UNC13C: variants seen among roughly 807,000 people sequenced by gnomAD.
UNC13C encodes unc-13 homolog C, also known as protein unc-13 homolog C.
UNC13C carries 174 observed loss-of-function variants against 245.4 expected under a neutral mutation model. The ratio of observed to expected loss-of-function variants is 0.71; its 90% CI spans 0.63 to 0.80. The LOEUF (loss-of-function observed/expected upper bound fraction) is 0.80, where lower values mean the gene tolerates loss of function less well. Among genes scored for constraint, UNC13C ranks in the 30% least tolerant of loss-of-function variants. UNC13C has a pLI of 0.00. For missense variants in UNC13C, 2,829 were observed against 2,602.9 expected, an observed-to-expected ratio of 1.09 and a Z score of -1.89; for synonymous variants, 992 against 895.1, an observed-to-expected ratio of 1.11 and a Z score of -1.93.
chr15:54,284,995 C>T (rs1324612843), intron 10 of UNC13C, among the ~76,000 whole-genome samples: 1 of 151,980 alleles, frequency 6.6e-6, no homozygotes, highest in Non-Finnish European at 1.5e-5. Flanking sequence ...GAAGGTGGTT[C>T]AGGGAAATTA....
Position 54,592,871 on chromosome 15 carries a change from T to G in UNC13C, c.6106+24924T>G, listed in dbSNP as rs956191362. 9.9e-5 allele frequency among the ~76,000 whole-genome samples: 15 copies of G among 151,928 alleles called. 1 individual carries two copies. Among genetic ancestry groups the G allele is most frequent in the South Asian group, 6.2e-4 (3 of 4,816 alleles). ...TGTGTACTTTGTTTTTTGTTTTTTT[T>G]TTTTTTTTACTTGTATTTTTGTTGT... On this transcript the variant is annotated intron_variant, in intron 30 of 32. Transcript: ENST00000260323.
chr15:54,600,351 T>A (rs906319393), intron 30 of UNC13C, among the ~76,000 whole-genome samples: 5 of 152,064 alleles, frequency 3.3e-5, no homozygotes, highest in African/African-American at 1.2e-4. Flanking sequence ...GATTTCGGGA[T>A]GAGAGCATTT....
chr15:53,863,971 C>T, the UNC13C span, among the ~76,000 whole-genome samples: 17 of 152,264 alleles, frequency 1.1e-4, no homozygotes, highest in Non-Finnish European at 2.1e-4. Flanking sequence ...CTTTGAGGTC[C>T]ATGTTCCATG....
At chr15:54,078,373 C>A (rs559259893) in intron 2 of UNC13C, among the ~76,000 whole-genome samples, 2 of 152,084 alleles carry the variant, frequency 1.3e-5, no homozygotes, top group Non-Finnish European at 2.9e-5. Context: ...ATTGTTTAAT[C>A]GAATTTTAGT....
chr15:54,620,251 T>C (rs1596693627), intron 30 of UNC13C, among the ~76,000 whole-genome samples: 1 of 152,178 alleles, frequency 6.6e-6, no homozygotes, highest in East Asian at 1.9e-4. Flanking sequence ...TAACCCTCAA[T>C]AACTGATTGA....
chr15:53,977,825 G>T (rs566720008), upstream of UNC13C, among the ~76,000 whole-genome samples: 14 of 152,244 alleles, frequency 9.2e-5, no homozygotes, highest in African/African-American at 3.4e-4. Flanking sequence ...CAAATGAAAA[G>T]ACATTATTCC....
chr15:54,044,920 T>A (rs1456462528), intron 2 of UNC13C, among the ~76,000 whole-genome samples: 1 of 152,172 alleles, frequency 6.6e-6, no homozygotes, highest in African/African-American at 2.4e-5. Context: ...TTAGTTTGGT[T>A]ATTTTTTCTT....
At chr15:53,854,542 TA>T in the UNC13C span, among the ~76,000 whole-genome samples, 4 of 152,240 alleles carry the variant, frequency 2.6e-5, no homozygotes, top group African/African-American at 9.6e-5. Context: ...CACCATATAT[TA>T]AATAGAGAAT....
At chr15:54,485,265 C>T (rs1416294327) in intron 19 of UNC13C, among the ~76,000 whole-genome samples, 1 of 152,156 alleles carries the variant, frequency 6.6e-6, no homozygotes, top group African/African-American at 2.4e-5. Flanking sequence ...TTCTTTCATC[C>T]ATTTATCTAT....
chr15:54,198,849 C>A (rs1365284409), intron 4 of UNC13C, among the ~76,000 whole-genome samples: 1 of 151,608 alleles, frequency 6.6e-6, no homozygotes, highest in Non-Finnish European at 1.5e-5. Flanking sequence ...GTAATGGATC[C>A]AAATCAAGAA....
intron 1 of UNC13C, among the ~76,000 whole-genome samples, chr15:54,011,470 A>G (rs1895377861): frequency 6.6e-6 from 1 of 152,246 alleles, no homozygotes; most frequent in Admixed American, 6.5e-5. Context: ...TTCGACTAAA[A>G]TTAGTTTAAA....
chr15:53,990,801 A>T (rs1162697201), intron 1 of UNC13C, among the ~76,000 whole-genome samples: 2 of 151,994 alleles, frequency 1.3e-5, no homozygotes, highest in African/African-American at 2.4e-5. Flanking sequence ...TTTCAGCCCT[A>T]CATTCTCTTA....
At chr15:54,486,318 T>C (rs1480404433) in intron 19 of UNC13C, among the ~76,000 whole-genome samples, 1 of 148,066 alleles carries the variant, frequency 6.8e-6, no homozygotes, top group Non-Finnish European at 1.5e-5. Flanking sequence ...GCGCTTGTAA[T>C]CCTAGCTGCT....
the UNC13C span, among the ~76,000 whole-genome samples, chr15:53,920,076 CT>C: frequency 6.8e-6 from 1 of 147,926 alleles, no homozygotes; most frequent in African/African-American, 2.5e-5. Context: ...GAATATTTTT[CT>C]TTTTAAAAGA....
intron 29 of UNC13C, among the ~76,000 whole-genome samples, chr15:54,560,112 G>T (rs1897241091): frequency 6.6e-6 from 1 of 151,958 alleles, no homozygotes; most frequent in African/African-American, 2.4e-5. Context: ...GTTAAGGTGG[G>T]TTATGATTAT....
intron 19 of UNC13C, among the ~76,000 whole-genome samples, chr15:54,441,510 G>C (rs1890523891): frequency 6.6e-6 from 1 of 152,042 alleles, no homozygotes; most frequent in Non-Finnish European, 1.5e-5. Flanking sequence ...ATAAATATGT[G>C]AATATATTTT....
the UNC13C span, among the ~76,000 whole-genome samples, chr15:53,842,715 A>C: frequency 6.6e-6 from 1 of 152,078 alleles, no homozygotes; most frequent in Non-Finnish European, 1.5e-5. Flanking sequence ...TGAGAGAGAG[A>C]TAGAAATTGT....
the UNC13C span, among the ~76,000 whole-genome samples, chr15:53,924,214 CAAAA>C: frequency 6.7e-6 from 1 of 150,218 alleles, no homozygotes. Flanking sequence ...CTCAAAAAAA[CAAAA>C]CAAACAAACA....
At chr15:54,069,986 A>G (rs1595804532) in intron 2 of UNC13C, among the ~76,000 whole-genome samples, 1 of 152,224 alleles carries the variant, frequency 6.6e-6, no homozygotes, top group East Asian at 1.9e-4. Context: ...GAGTATTGTT[A>G]ACCTTCCGTT....
Sources: allele counts gnomAD v4.1 joint callset (sites outside exome capture counted in the v4.1 genomes callset), GRCh38; gene constraint gnomAD v4.1.1; transcripts MANE v1.5; gene names NCBI Gene and HGNC (gene_info 2026-07-23, HGNC 2026-07-21).